Variants in DNAH12 observed in about 807,000 individuals in gnomAD.
The protein encoded by DNAH12 is axonemal beta dynein heavy chain 12.
DNAH12 carries 285 observed loss-of-function variants against 371.5 expected under a neutral mutation model. That is an observed-to-expected ratio of 0.77 (90% CI 0.70 to 0.85). The LOEUF is 0.85. DNAH12 is among the 40% of genes least tolerant of loss of function. The probability of loss-of-function intolerance (pLI) is 0.00; values close to 1 mark genes in which losing one functional copy is unlikely to be tolerated. For synonymous variants in DNAH12, 1,200 were observed against 1,213.0 expected, an observed-to-expected ratio of 0.99 and a Z score of 0.22; for missense variants, 3,611 against 3,689.4, an observed-to-expected ratio of 0.98 and a Z score of 0.55.
intron 58 of DNAH12, among the ~76,000 whole-genome samples, chr3:57,358,063 C>G (rs1437273225): frequency 6.6e-6 from 1 of 152,146 alleles, no homozygotes; most frequent in Non-Finnish European, 1.5e-5. Context: ...ACTCTTCTTT[C>G]TTTGGTAATG....
intron 70 of DNAH12, among the ~76,000 whole-genome samples, chr3:57,300,045 G>A (rs1463583066): frequency 6.6e-6 from 1 of 152,134 alleles, no homozygotes; most frequent in Admixed American, 6.5e-5. Context: ...AGCCCGAGCA[G>A]CACCACCTTG....
At chr3:57,509,807 A>G (rs1374720982) in intron 5 of DNAH12, among the ~76,000 whole-genome samples, 2 of 139,630 alleles carry the variant, frequency 1.4e-5, no homozygotes, top group African/African-American at 5.3e-5. Flanking sequence ...GGTTGCAGTG[A>G]GCTGAGATTG....
intron 30 of DNAH12, among the ~76,000 whole-genome samples, chr3:57,434,994 C>T (rs963288404): frequency 1.3e-5 from 2 of 152,020 alleles, no homozygotes; most frequent in Non-Finnish European, 1.5e-5. Flanking sequence ...ATTAAGAAAA[C>T]CTTTAAACAA....
At chr3:57,420,252 C>A (rs1012763779) in intron 36 of DNAH12, among the ~76,000 whole-genome samples, 21 of 152,152 alleles carry the variant, frequency 1.4e-4, no homozygotes, top group Non-Finnish European at 2.9e-5. Context: ...AACCCCAGCC[C>A]TTCCACTGTT....
chr3:57,476,777 G>C (rs2066542121), intron 13 of DNAH12, among the ~76,000 whole-genome samples: 1 of 152,054 alleles, frequency 6.6e-6, no homozygotes. Flanking sequence ...CTTAAACAAA[G>C]AATAAGAGTA....
chr3:57,403,550 T>A, intron 42 of DNAH12, 49 bp from the exon 43 acceptor site: 1 of 1,466,276 alleles, frequency 6.8e-7, no homozygotes, highest in Non-Finnish European at 9.2e-7. Context: ...TAAATGTAAA[T>A]GTATAGTTAC....
At chr3:57,426,116 G>A (rs1427785046) in intron 34 of DNAH12, among the ~76,000 whole-genome samples, 1 of 152,118 alleles carries the variant, frequency 6.6e-6, no homozygotes, top group Admixed American at 6.5e-5. Context: ...GGATATTCAA[G>A]GCAGGGGAAT....
intron 69 of DNAH12, 122 bp from the exon 70 acceptor site, chr3:57,302,061 C>CACATGGGAGGTGACACAT: frequency 1.0e-6 from 1 of 996,646 alleles, no homozygotes; most frequent in Non-Finnish European, 1.5e-6. Context: ...AATGTGTCAC[C>CACATGGGAGGTGACACAT]TCCCATGTGG....
At chr3:57,530,629 A>G (rs1337117688) in intron 2 of DNAH12, 20 of 531,124 alleles carry the variant, frequency 3.8e-5, no homozygotes, top group Non-Finnish European at 6.2e-5. Context: ...GTATAGTGGG[A>G]TTTTCACCAC....
intron 69 of DNAH12, among the ~76,000 whole-genome samples, chr3:57,303,543 C>CCCGCTACT (rs2107660637): frequency 6.6e-6 from 1 of 151,862 alleles, no homozygotes; most frequent in East Asian, 1.9e-4. Context: ...TCCCAAGTAG[C>CCCGCTACT]TGAGACTACA....
At chr3:57,384,467 T>G (rs1282261202) in intron 49 of DNAH12, among the ~76,000 whole-genome samples, 7 of 151,928 alleles carry the variant, frequency 4.6e-5, no homozygotes, top group Non-Finnish European at 8.8e-5. Flanking sequence ...GGTGACCCTG[T>G]CTCTATAAAA....
chr3:57,390,424 A>AAAAAAATATATATATATATATATATAT, intron 45 of DNAH12, among the ~76,000 whole-genome samples: 4 of 33,440 alleles, frequency 1.2e-4, no homozygotes, highest in Admixed American at 5.6e-4. Flanking sequence ...AAAAAAAAAA[A>AAAAAAATATATATATATATATATATAT]ATATATATAT....
At chr3:57,398,756 G>A (rs1003880147) in intron 43 of DNAH12, among the ~76,000 whole-genome samples, 2 of 152,124 alleles carry the variant, frequency 1.3e-5, no homozygotes, top group African/African-American at 2.4e-5. Context: ...AACAAACACC[G>A]AGGGAGTCCT....
At chr3:57,462,656 C>T in intron 18 of DNAH12, 34 bp downstream of exon 18, 1 of 1,530,948 alleles carries the variant, frequency 6.5e-7, no homozygotes, top group Non-Finnish European at 8.8e-7. Context: ...ACGAAGTCAT[C>T]ACATAAAGTA....
intron 62 of DNAH12, among the ~76,000 whole-genome samples, chr3:57,323,872 T>C (rs989493979): frequency 4.6e-5 from 7 of 152,172 alleles, no homozygotes; most frequent in African/African-American, 9.7e-5. Flanking sequence ...ATCCTAAACA[T>C]ATGAGGGATG....
chr3:57,299,350 A>G (rs2061299361), intron 70 of DNAH12, among the ~76,000 whole-genome samples: 1 of 152,188 alleles, frequency 6.6e-6, no homozygotes, highest in South Asian at 2.1e-4. Flanking sequence ...TTACTCTATA[A>G]AATAACAGTG....
chr3:57,429,612 T>C, intron 33 of DNAH12, 79 bp downstream of exon 33: 2 of 1,327,560 alleles, frequency 1.5e-6, no homozygotes, highest in Non-Finnish European at 2.1e-6. Flanking sequence ...TTTTCTGACA[T>C]ATAATAAAAA....
At chr3:57,467,534 A>T (rs2066240648) in intron 17 of DNAH12, among the ~76,000 whole-genome samples, 1 of 152,164 alleles carries the variant, frequency 6.6e-6, no homozygotes. Flanking sequence ...CATCTAGAAA[A>T]AGTAGTTATA....
chr3:57,325,406 G>A (rs913236624), intron 62 of DNAH12, among the ~76,000 whole-genome samples: 47 of 152,278 alleles, frequency 3.1e-4, no homozygotes, highest in African/African-American at 9.1e-4. Flanking sequence ...AGCAGCATTC[G>A]TGGTTCACGA....
Sources: gnomAD v4.1 joint callset for allele counts (sites outside exome capture counted in the v4.1 genomes callset) on GRCh38, gnomAD v4.1.1 for gene constraint, MANE v1.5 for transcripts, NCBI Gene and HGNC (gene_info 2026-07-23, HGNC 2026-07-21) for gene names.